The following RBFOX1 variants were observed in gnomAD, a reference collection of about 807,000 sequenced individuals.
RBFOX1 encodes RNA binding fox-1 homolog 1.
In RBFOX1, 8 loss-of-function variants were observed where a neutral mutation model predicts 57.7. The ratio of observed to expected loss-of-function variants is 0.14; its 90% confidence interval spans 0.08 to 0.25. The LOEUF (loss-of-function observed/expected upper bound fraction) is 0.25, where lower values mean the gene tolerates loss of function less well. RBFOX1 is among the 10% of genes least tolerant of loss of function. The probability of loss-of-function intolerance (pLI) is 1.00; values close to 1 mark genes in which losing one functional copy is unlikely to be tolerated. For missense variants in RBFOX1, 611 were observed against 548.5 expected (o/e 1.11, Z -1.14); for synonymous variants, 326 against 222.4 (o/e 1.47, Z -4.15).
chr16:5,499,842 G>T (rs955193070), intron 2 of RBFOX1, among the ~76,000 whole-genome samples: 1 of 152,030 alleles, frequency 6.6e-6, no homozygotes, highest in Non-Finnish European at 1.5e-5. Context: ...CAAAGTGTTG[G>T]GATTACAGGC....
chr16:6,751,995 G>T (rs568250948), intron 3 of RBFOX1, among the ~76,000 whole-genome samples: 1 of 152,150 alleles, frequency 6.6e-6, no homozygotes, highest in African/African-American at 2.4e-5. Flanking sequence ...ACTTTAATAG[G>T]ATCCCAGTTG....
At chr16:7,683,816 C>T (rs2075449467) in intron 14 of RBFOX1, among the ~76,000 whole-genome samples, 1 of 149,756 alleles carries the variant, frequency 6.7e-6, no homozygotes, top group South Asian at 2.1e-4. Flanking sequence ...CGTGCAAAGC[C>T]CTATGAATGA....
chr16:7,022,017 T>TCCCCC (rs1568408356), intron 3 of RBFOX1, among the ~76,000 whole-genome samples: 11 of 5,066 alleles, frequency 2.2e-3, no homozygotes, highest in African/African-American at 0.015. Flanking sequence ...TCCCCTTCCC[T>TCCCCC]TCCCCCTCCC....
intron 3 of RBFOX1, among the ~76,000 whole-genome samples, chr16:6,986,355 T>A (rs1437788814): frequency 6.6e-6 from 1 of 151,904 alleles, no homozygotes; most frequent in Non-Finnish European, 1.5e-5. Flanking sequence ...TCTGCCACCA[T>A]GTCTGGCTAA....
At chr16:6,542,458 C>G (rs1271623180) in intron 2 of RBFOX1, among the ~76,000 whole-genome samples, 1 of 143,034 alleles carries the variant, frequency 7.0e-6, no homozygotes, top group African/African-American at 2.6e-5. Context: ...ATCGCATGAT[C>G]CACTGCCCTG....
intron 2 of RBFOX1, among the ~76,000 whole-genome samples, chr16:5,564,651 C>T (rs2045999662): frequency 6.6e-6 from 1 of 152,148 alleles, no homozygotes; most frequent in Non-Finnish European, 1.5e-5. Context: ...ATGAGGGAGA[C>T]TCATACCTAT....
intron 4 of RBFOX1, among the ~76,000 whole-genome samples, chr16:7,164,799 A>T (rs528334983): frequency 6.6e-6 from 1 of 152,190 alleles, no homozygotes; most frequent in Non-Finnish European, 1.5e-5. Flanking sequence ...GTTGTTCTCA[A>T]CCTTTTGCTT....
chr16:6,971,870 T>C (rs1201549595), intron 3 of RBFOX1, among the ~76,000 whole-genome samples: 2 of 152,098 alleles, frequency 1.3e-5, no homozygotes, highest in African/African-American at 2.4e-5. Context: ...TTCCCTGCAG[T>C]GATCCGCTGG....
At chr16:5,642,800 C>G (rs2048924712) in intron 3 of RBFOX1, among the ~76,000 whole-genome samples, 2 of 152,136 alleles carry the variant, frequency 1.3e-5, no homozygotes, top group South Asian at 4.1e-4. Context: ...TGATGTGTGT[C>G]TTACCCAGGA....
At chr16:6,718,778 A>C (rs1013892403) in intron 3 of RBFOX1, among the ~76,000 whole-genome samples, 4 of 152,154 alleles carry the variant, frequency 2.6e-5, no homozygotes, top group African/African-American at 9.7e-5. Flanking sequence ...TAAACTCACA[A>C]CTAGGTTGAC....
intron 3 of RBFOX1, among the ~76,000 whole-genome samples, chr16:5,685,678 C>T (rs1450837913): frequency 6.6e-6 from 1 of 152,208 alleles, no homozygotes; most frequent in Admixed American, 6.5e-5. Context: ...CTGAGGCCAT[C>T]TCATCCTATA....
At chr16:7,635,720 T>C (rs77854135) in intron 11 of RBFOX1, among the ~76,000 whole-genome samples, 2 of 152,222 alleles carry the variant, frequency 1.3e-5, no homozygotes, top group Non-Finnish European at 2.9e-5. Context: ...TTCATCCAGT[T>C]TGTTTAATGA....
chr16:7,641,061 T>TGAGTC (rs2062708218), intron 11 of RBFOX1, among the ~76,000 whole-genome samples: 1 of 152,124 alleles, frequency 6.6e-6, no homozygotes, highest in Non-Finnish European at 1.5e-5. Context: ...CTTTATAAGT[T>TGAGTC]GAGTCAAGCT....
At chr16:6,495,878 CTG>C (rs1223111720) in intron 2 of RBFOX1, among the ~76,000 whole-genome samples, 1 of 152,218 alleles carries the variant, frequency 6.6e-6, no homozygotes, top group Non-Finnish European at 1.5e-5. Context: ...ATAAAGGTAT[CTG>C]TTTGTAACAG....
chr16:6,746,839 G>T (rs8053828), intron 3 of RBFOX1, among the ~76,000 whole-genome samples: 1 of 152,094 alleles, frequency 6.6e-6, no homozygotes, highest in African/African-American at 2.4e-5. Flanking sequence ...AGGAATGTGA[G>T]ATTTTATTAA....
At chr16:7,011,197 C>A (rs947575208) in intron 3 of RBFOX1, among the ~76,000 whole-genome samples, 1 of 152,016 alleles carries the variant, frequency 6.6e-6, no homozygotes, top group Non-Finnish European at 1.5e-5. Context: ...AATTAGCAGT[C>A]ATTCGTGGAG....
intron 3 of RBFOX1, among the ~76,000 whole-genome samples, chr16:7,024,436 C>T (rs1191156191): frequency 3.9e-5 from 6 of 152,174 alleles, no homozygotes; most frequent in Non-Finnish European, 5.9e-5. Context: ...AACATTAAAA[C>T]ATAATCTACC....
At chr16:6,438,145 T>A (rs2094287272) in intron 2 of RBFOX1, among the ~76,000 whole-genome samples, 1 of 152,230 alleles carries the variant, frequency 6.6e-6, no homozygotes, top group African/African-American at 2.4e-5. Context: ...GTGTCTTTTG[T>A]AAACCGAAGT....
intron 5 of RBFOX1, among the ~76,000 whole-genome samples, chr16:7,538,590 A>G (rs968764497): frequency 2.0e-5 from 3 of 152,212 alleles, no homozygotes; most frequent in African/African-American, 7.2e-5. Context: ...TGTAGGAGAG[A>G]GAGATGGAAA....
Sources: gnomAD v4.1 joint callset for allele counts (sites outside exome capture counted in the v4.1 genomes callset) on GRCh38, gnomAD v4.1.1 for gene constraint, MANE v1.5 for transcripts, NCBI Gene and HGNC (gene_info 2026-07-23, HGNC 2026-07-21) for gene names.